The following CFAP410 variants were observed in gnomAD, a reference collection of about 807,000 sequenced individuals.
The protein encoded by CFAP410 is cilia- and flagella-associated protein 410.
A neutral mutation model predicts 25.7 loss-of-function variants in CFAP410; 27 were observed. The observed-to-expected ratio is 1.05, with a 90% CI of 0.77 to 1.45. The LOEUF (loss-of-function observed/expected upper bound fraction) is 1.45, where lower values mean the gene tolerates loss of function less well. Ranked by LOEUF, CFAP410 falls within the 40% of genes most tolerant of loss-of-function variation. The probability of loss-of-function intolerance (pLI) is 0.00; values close to 1 mark genes in which losing one functional copy is unlikely to be tolerated. For synonymous variants in CFAP410, 178 were observed against 158.4 expected, an observed-to-expected ratio of 1.12 and a Z score of -0.93; for missense variants, 428 against 354.1, an observed-to-expected ratio of 1.21 and a Z score of -1.67.
At chr21:44,335,541 G>T (rs1243659724) in intron 3 of CFAP410, 5 of 594,438 alleles carry the variant, frequency 8.4e-6, no homozygotes, top group Admixed American at 3.1e-5. Flanking sequence ...GAGCCATCAG[G>T]AGGCCCAGGT....
intron 5 of CFAP410, 107 bp from the exon 6 acceptor site, chr21:44,331,026 A>G (rs1164705140): frequency 8.8e-6 from 9 of 1,024,238 alleles, no homozygotes; most frequent in Non-Finnish European, 1.3e-5. Context: ...GGGCTCATAC[A>G]AATCCCACCT....
At chr21:44,333,461 C>A (rs968985864) in intron 3 of CFAP410, 199 bp from the exon 4 acceptor site, 3 of 598,860 alleles carry the variant, frequency 5.0e-6, no homozygotes, top group Non-Finnish European at 8.9e-6. Flanking sequence ...GCCCTGAACT[C>A]AAAGGCGGAC....
chr21:44,332,142 C>T, intron 4 of CFAP410, 128 bp from the exon 5 acceptor site: 1 of 705,022 alleles, frequency 1.4e-6, no homozygotes, highest in Non-Finnish European at 2.2e-6. Context: ...CGTGTATCCA[C>T]CTCCAGGGAC....
chr21:44,338,038 A>AAC (rs1342132397), intron 1 of CFAP410, among the ~76,000 whole-genome samples: 3 of 152,258 alleles, frequency 2.0e-5, no homozygotes, highest in African/African-American at 7.2e-5. Context: ...TCAAAGGGTG[A>AAC]ACAGGCAACT....
chr21:44,339,197 C>A lies in CFAP410; in HGVS notation c.-3G>T. The A allele has an allele frequency of 6.9e-7, 1 of 1,459,070 alleles. No homozygotes were observed. Among genetic ancestry groups the A allele is most frequent in the Non-Finnish European group, 9.1e-7 (1 of 1,100,742 alleles). 90.4% of individuals were successfully genotyped at this position (1,459,070 alleles called of 1,614,324 possible). ...ACCATCTTCCGCGTCAGCTTCATGG[C>A]GGCCGCCCAGGCCCGACCGGCGGGC... On this transcript the variant is annotated 5_prime_UTR_variant, in exon 1 of 7. Coordinates refer to ENST00000339818, the MANE Select transcript of CFAP410 (RefSeq NM_004928.3).
intron 1 of CFAP410, chr21:44,338,450 G>A: frequency 3.8e-6 from 2 of 523,752 alleles, no homozygotes; most frequent in South Asian, 1.6e-5. Context: ...CTTTCAGCCT[G>A]CCTGGGTCCC....
intron 1 of CFAP410, chr21:44,338,351 C>G: frequency 7.8e-7 from 1 of 1,282,312 alleles, no homozygotes; most frequent in South Asian, 1.2e-5. Flanking sequence ...CCCCAGGGAA[C>G]CCTGGAGATC....
At chr21:44,331,723 G>C in intron 5 of CFAP410, 120 bp downstream of exon 5, 1 of 927,620 alleles carries the variant, frequency 1.1e-6, no homozygotes, top group South Asian at 1.7e-5. Context: ...ACTCCCCCCG[G>C]ATAATCCCTG....
intron 2 of CFAP410, among the ~76,000 whole-genome samples, chr21:44,336,194 C>T (rs2047753433): frequency 6.6e-6 from 1 of 152,198 alleles, no homozygotes; most frequent in Admixed American, 6.5e-5. Context: ...TCTCCTCTGA[C>T]ACCACCTTGC....
In CFAP410 at chr21:44,336,213, C is replaced by T. The variant is rs148111961; in HGVS notation, c.97-409G>A. Among the ~76,000 whole-genome samples the T allele has an allele frequency of 2.3e-3, 346 of 152,292 alleles. 7 individuals carry two copies. The East Asian group carries it at 0.057, about 25-fold the overall frequency. ...CTCTGACACCACCTTGCAGCCCAGA[C>T]GCCCCGCAGACTGAAGGAGAAATGT... On this transcript the variant is annotated intron_variant, in intron 2 of 6. Transcript: ENST00000339818.
Position 44,337,508 on chromosome 21 carries a change from C to T in CFAP410, c.96+141G>A. ...TGCAGAATGAAAACCGCTAAGTGAA[C>T]AAAGTACCAAGTGTGGGACTGAATT... On this transcript the variant is annotated intron_variant, in intron 2 of 6. Transcript: ENST00000339818. 7 of 656,204 alleles carry T rather than the reference C, an allele frequency of 1.1e-5. No individual in the cohort carries two copies. The South Asian group carries it at 1.5e-4, about 14-fold the overall frequency. 40.6% of individuals were successfully genotyped at this position (656,204 alleles called of 1,614,324 possible). A position where few individuals can be genotyped will look rare whatever the true frequency, so the allele number is the denominator to read the frequency against.
chr21:44,331,266 T>G, intron 5 of CFAP410: 1 of 385,316 alleles, frequency 2.6e-6, no homozygotes. Context: ...CTGTGCCGGA[T>G]GGCAGATGCC....
intron 3 of CFAP410, 75 bp from the exon 4 acceptor site, chr21:44,333,337 G>A (rs988484468): frequency 3.4e-6 from 4 of 1,187,118 alleles, no homozygotes; most frequent in African/African-American, 3.0e-5. Flanking sequence ...CCCACCCCCA[G>A]TAAAAGGCAC....
At chr21:44,332,171 C>T (rs557129253) in intron 4 of CFAP410, 157 bp from the exon 5 acceptor site, 55 of 589,568 alleles carry the variant, frequency 9.3e-5, no homozygotes, top group Middle Eastern at 3.4e-4. Flanking sequence ...GAGTAGCAGC[C>T]GGTTCCTCAC....
At position 44,339,198 on chromosome 21, in the gene CFAP410, G is replaced by A. The variant is rs1422212389; in HGVS notation, c.-4C>T. On this transcript the variant is annotated 5_prime_UTR_variant, in exon 1 of 7. Transcript: ENST00000339818. The stretch of plus-strand genomic sequence containing the variant: ...CCATCTTCCGCGTCAGCTTCATGGC[G>A]GCCGCCCAGGCCCGACCGGCGGGCG... 6.9e-7 allele frequency: 1 copy of A among 1,446,780 alleles called. No individual in the cohort carries two copies. Among genetic ancestry groups the A allele is most frequent in the Admixed American group, 2.8e-5 (1 of 35,758 alleles). 89.6% of individuals were successfully genotyped at this position (1,446,780 alleles called of 1,614,324 possible).
chr21:44,332,801 C>G, intron 4 of CFAP410: 2 of 558,200 alleles, frequency 3.6e-6, no homozygotes, highest in African/African-American at 3.7e-5. Flanking sequence ...TTGGGGGATA[C>G]CCAAACTGTC....
chr21:44,332,310 G>C (rs2047665004), intron 4 of CFAP410: 1 of 361,948 alleles, frequency 2.8e-6, no homozygotes, highest in Non-Finnish European at 4.9e-6. Context: ...ATAGAAAAAG[G>C]AACAGACCAT....
Position 44,330,974 on chromosome 21 carries a change from C to G in CFAP410, c.546-55G>C, listed in dbSNP as rs531979406. The G allele has an allele frequency of 2.8e-6, 4 of 1,408,846 alleles. No homozygotes were observed. The African/African-American group carries it at 5.7e-5, about 20-fold the overall frequency. The allele number at this position is 1,408,846 out of a possible 1,614,324, so 87.3% of individuals were successfully genotyped here. The stretch of plus-strand genomic sequence containing the variant: ...CAGGGGGCTCGTGGCACCGGGGGGG[C>G]CTCTGCAAACCCTGTCTGCGGGTCG... On this transcript the variant is annotated intron_variant, in intron 5 of 6. Transcript: ENST00000339818.
intron 3 of CFAP410, 119 bp from the exon 4 acceptor site, chr21:44,333,381 A>T (rs2047689240): frequency 1.3e-6 from 1 of 772,704 alleles, no homozygotes; most frequent in Non-Finnish European, 2.1e-6. Context: ...TCTCCTGAGA[A>T]GCCTAAATCG....
Sources: gnomAD v4.1 joint callset for allele counts (sites outside exome capture counted in the v4.1 genomes callset) on GRCh38, gnomAD v4.1.1 for gene constraint, MANE v1.5 for transcripts, NCBI Gene and HGNC (gene_info 2026-07-23, HGNC 2026-07-21) for gene names.